NOP58: variants seen among roughly 807,000 people sequenced by gnomAD.
The protein encoded by NOP58 is NOP58 ribonucleoprotein.
Under a neutral mutation model 71.2 loss-of-function variants are expected in NOP58, and 44 were observed. The observed-to-expected ratio is 0.62, with a 90% CI of 0.49 to 0.79. The LOEUF (loss-of-function observed/expected upper bound fraction) is 0.79. Among genes scored for constraint, NOP58 ranks in the 30% least tolerant of loss-of-function variants. The probability of loss-of-function intolerance (pLI) is 0.00; values close to 1 mark genes in which losing one functional copy is unlikely to be tolerated. For missense variants in NOP58, 538 were observed against 620.2 expected (o/e 0.87, Z 1.41); for synonymous variants, 228 against 200.3 (o/e 1.14, Z -1.17).
Position 202,297,825 on chromosome 2 carries a change from A to G in NOP58, c.1207-20A>G. 7.1e-7 allele frequency: 1 copy of G among 1,403,116 alleles called. No individual in the cohort carries two copies. The highest frequency in any genetic ancestry group is 2.3e-5 in the East Asian group (1 of 43,476). 86.9% of individuals were successfully genotyped at this position (1,403,116 alleles called of 1,614,324 possible). A position where few individuals can be genotyped will look rare whatever the true frequency, so the allele number is the denominator to read the frequency against. On this transcript the variant is annotated intron_variant, in intron 11 of 14. Transcript: ENST00000264279. ...ATTATGACTTAGAAGTGTATTTGTA[A>G]TTTTTCGTTTTCTTCTTAGATAAGA...
chr2:202,287,825 AAGG>A, intron 6 of NOP58, 101 bp downstream of exon 6: 2 of 969,956 alleles, frequency 2.1e-6, no homozygotes, highest in Admixed American at 1.9e-5. Flanking sequence ...GAGAAAGAGA[AAGG>A]AGGCCAGGTG....
chr2:202,300,129 T>C (rs890467414), intron 12 of NOP58, 105 bp from the exon 13 acceptor site: 1 of 937,584 alleles, frequency 1.1e-6, no homozygotes, highest in Non-Finnish European at 1.6e-6. Context: ...AACAACATTG[T>C]GTGCTTATGT....
intron 5 of NOP58, 113 bp downstream of exon 5, chr2:202,284,594 A>G (rs1251230058): frequency 9.1e-7 from 1 of 1,096,646 alleles, no homozygotes; most frequent in Non-Finnish European, 1.3e-6. Context: ...AACCTTATGA[A>G]GAAGATGATA....
At chr2:202,269,665 C>T (rs1688482872) in intron 1 of NOP58, among the ~76,000 whole-genome samples, 1 of 152,034 alleles carries the variant, frequency 6.6e-6, no homozygotes, top group South Asian at 2.1e-4. Context: ...TCAGTTGAAC[C>T]TAGGAGCAGA....
intron 12 of NOP58, among the ~76,000 whole-genome samples, chr2:202,298,952 ATTTTTTTTTT>A (rs3043921): frequency 9.8e-5 from 8 of 81,464 alleles, no homozygotes; most frequent in South Asian, 4.2e-4. Flanking sequence ...ATCCTTCAAG[ATTTTTTTTTT>A]TTTTTTTTTT....
intron 13 of NOP58, among the ~76,000 whole-genome samples, chr2:202,301,047 T>G (rs1011280876): frequency 5.9e-5 from 9 of 152,348 alleles, no homozygotes; most frequent in Non-Finnish European, 1.2e-4. Context: ...CTTTTATGCT[T>G]CTTTTTATTG....
intron 1 of NOP58, among the ~76,000 whole-genome samples, chr2:202,273,136 A>G (rs563444226): frequency 6.6e-6 from 1 of 152,226 alleles, no homozygotes; most frequent in Non-Finnish European, 1.5e-5. Context: ...ATAAATAAAT[A>G]AATTAATTAA....
Position 202,297,470 on chromosome 2 carries a change from G to C in NOP58, c.1163G>C (p.Arg388Thr). Residue 388 changes from arginine (R) to threonine (T), a missense_variant, in exon 11 of 15, where the codon AGA becomes ACA. Arg to Thr is a moderately conservative substitution (Grantham distance 71). Coordinates refer to ENST00000264279, the MANE Select transcript of NOP58 (RefSeq NM_015934.5). ...DSSSAMGVEN[R>T]AKLEARLRTL... ...AGTTCTGCAATGGGAGTTGAGAACA[G>C]AGCCAAATTAGAGGCCAGGTTGAGA... The C allele has an allele frequency of 6.2e-7, 1 of 1,614,074 alleles. No individual in the cohort carries two copies. Among genetic ancestry groups the C allele is most frequent in the Non-Finnish European group, 8.5e-7 (1 of 1,179,944 alleles).
chr2:202,277,930 T>A lies in NOP58; in HGVS notation c.123-20T>A. ...CACTGCCCCCAATAACATGTTTATCTCTTTTTTTTTTAATTCTAGAGTAAA... is the reference window on the plus strand; with the variant it reads ...CACTGCCCCCAATAACATGTTTATCACTTTTTTTTTTAATTCTAGAGTAAA... On this transcript the variant is annotated intron_variant, in intron 2 of 14. Coordinates refer to ENST00000264279, the MANE Select transcript of NOP58 (RefSeq NM_015934.5). 1 of 1,317,442 alleles carries A rather than the reference T, an allele frequency of 7.6e-7. No homozygotes were observed. The highest frequency in any genetic ancestry group is 1.7e-5 in the African/African-American group (1 of 58,778). 81.6% of individuals were successfully genotyped at this position (1,317,442 alleles called of 1,614,324 possible). A position where few individuals can be genotyped will look rare whatever the true frequency, so the allele number is the denominator to read the frequency against.
chr2:202,297,989 C>A, intron 12 of NOP58, 83 bp downstream of exon 12: 1 of 782,860 alleles, frequency 1.3e-6, no homozygotes, highest in South Asian at 2.2e-5. Context: ...TAAACTTCAC[C>A]TTGATGTGCC....
chr2:202,269,503 T>C (rs1206285704), intron 1 of NOP58, among the ~76,000 whole-genome samples: 1 of 152,124 alleles, frequency 6.6e-6, no homozygotes, highest in Non-Finnish European at 1.5e-5. Context: ...AAGTTATTGC[T>C]CATTAACAGG....
chr2:202,277,104 G>A (rs2105840812), intron 2 of NOP58, among the ~76,000 whole-genome samples: 1 of 152,316 alleles, frequency 6.6e-6, no homozygotes, highest in African/African-American at 2.4e-5. Flanking sequence ...TGGCTAACAC[G>A]GTGAAACCCC....
At chr2:202,295,583 T>C in intron 9 of NOP58, 91 bp from the exon 10 acceptor site, 1 of 843,384 alleles carries the variant, frequency 1.2e-6, no homozygotes, top group Non-Finnish European at 1.8e-6. Context: ...TTTATTATGG[T>C]GGCTGTAATA....
Position 202,303,049 on chromosome 2 carries a change from G to A in NOP58, c.1531G>A (p.Ala511Thr). Residue 511 changes from alanine to threonine, a missense_variant, in exon 14 of 15, where the codon GCA becomes ACA. By Grantham distance (58) the Ala-to-Thr change is moderately conservative. Transcript: ENST00000264279. Reference sequence around the variant, plus strand: ...TGAGGAAGAACCATGTACCAGCACAGCAATTGCTGTATGTTTGTTTTTAAT... The same window carrying A: ...TGAGGAAGAACCATGTACCAGCACAACAATTGCTGTATGTTTGTTTTTAAT... ...LSEEEPCTSTAIASPEKKKKK... is the reference protein window; with the variant it reads ...LSEEEPCTSTTIASPEKKKKK... 6.2e-7 allele frequency: 1 copy of A among 1,610,162 alleles called. No homozygotes were observed. The highest frequency in any genetic ancestry group is 8.5e-7 in the Non-Finnish European group (1 of 1,179,386).
Position 202,277,967 on chromosome 2 carries a change from T to A in NOP58, c.140T>A (p.Phe47Tyr). The change falls in exon 3 of 15, where the codon TTT becomes TAT. Residue 47 changes from phenylalanine to tyrosine, a missense_variant. Phe to Tyr is a conservative substitution (Grantham distance 22). Transcript: ENST00000264279. ...KANKIVKLKHFEKFQDTAEAL... is the reference protein window; with the variant it reads ...KANKIVKLKHYEKFQDTAEAL... ...AATTCTAGAGTAAAGCTAAAACATTTTGAGAAATTTCAGGATACAGCAGAA... is the reference window on the plus strand; with the variant it reads ...AATTCTAGAGTAAAGCTAAAACATTATGAGAAATTTCAGGATACAGCAGAA... 6.5e-7 allele frequency: 1 copy of A among 1,542,876 alleles called. No homozygotes were observed. Among genetic ancestry groups the A allele is most frequent in the Non-Finnish European group, 8.9e-7 (1 of 1,125,212 alleles).
chr2:202,290,662 A>G (rs1037397674), intron 7 of NOP58, among the ~76,000 whole-genome samples: 1 of 151,922 alleles, frequency 6.6e-6, no homozygotes, highest in African/African-American at 2.4e-5. Context: ...ACATGATATT[A>G]GTACCTAATG....
rs1374811947 is a variant in NOP58 at position 202,273,891 on chromosome 2, C to T, written c.46-1222C>T. ...CCGGGAGGCGGAGGCTGCAGTGTGCCGAGATTGCGCCACTGCACTCCAGCC... is the reference window on the plus strand; with the variant it reads ...CCGGGAGGCGGAGGCTGCAGTGTGCTGAGATTGCGCCACTGCACTCCAGCC... On this transcript the variant is annotated intron_variant, in intron 1 of 14. Coordinates refer to ENST00000264279, the MANE Select transcript of NOP58 (RefSeq NM_015934.5). Among the ~76,000 whole-genome samples, 8 of 150,648 alleles carry T rather than the reference C, an allele frequency of 5.3e-5. No individual in the cohort carries two copies. The South Asian group carries it at 1.0e-3, about 20-fold the overall frequency.
chr2:202,272,624 G>A (rs16824590), intron 1 of NOP58, among the ~76,000 whole-genome samples: 34,450 of 152,022 alleles, frequency 0.23, 5,899 homozygotes, highest in African/African-American at 0.48. Flanking sequence ...TTAGAATCCA[G>A]AGACACCTCA....
chr2:202,281,491 G>A (rs1405509303), intron 3 of NOP58, among the ~76,000 whole-genome samples: 1 of 152,126 alleles, frequency 6.6e-6, no homozygotes, highest in Non-Finnish European at 1.5e-5. Flanking sequence ...GGCTGCTGGA[G>A]TACAGCGGCA....
Sources: gnomAD v4.1 joint callset for allele counts (sites outside exome capture counted in the v4.1 genomes callset) on GRCh38, gnomAD v4.1.1 for gene constraint, MANE v1.5 for transcripts, NCBI Gene and HGNC (gene_info 2026-07-23, HGNC 2026-07-21) for gene names.